Variants in FLRT1 observed in about 807,000 individuals in gnomAD.
The protein encoded by FLRT1 is fibronectin leucine rich transmembrane protein 1.
A neutral mutation model predicts 30.9 loss-of-function variants in FLRT1; 14 were observed. The observed-to-expected ratio is 0.45, with a 90% CI of 0.30 to 0.71. The LOEUF is 0.71. Ranked by LOEUF, FLRT1 falls within the 30% of genes least tolerant of loss-of-function variation. The pLI is 0.08. For synonymous variants in FLRT1, 368 were observed against 430.4 expected (o/e 0.85, Z 1.80); for missense variants, 737 against 949.2 (o/e 0.78, Z 2.94).
intron 1 of FLRT1, among the ~76,000 whole-genome samples, chr11:64,081,528 A>AC (rs560521262): frequency 1.1e-4 from 17 of 151,436 alleles, no homozygotes; most frequent in South Asian, 2.1e-4. Context: ...TCAGTGTAAC[A>AC]CCCCCCCGAC....
At chr11:64,051,278 TG>T (rs1397317358) in intron 1 of FLRT1, among the ~76,000 whole-genome samples, 2 of 152,184 alleles carry the variant, frequency 1.3e-5, no homozygotes, top group Non-Finnish European at 2.9e-5. Flanking sequence ...GGGGAGGGGC[TG>T]GTCCCTCTTT....
Position 64,049,727 on chromosome 11 carries a change from G to T in FLRT1, c.-1038+13568G>T, listed in dbSNP as rs369563410. On this transcript the variant is annotated intron_variant, in intron 1 of 2. Transcript: ENST00000682287. ...TGCACACCCCAGAGCCCAGTGTCTT[G>T]CCTTCTCATCCTGAGGGGGATCGGT... Among the ~76,000 whole-genome samples, 188 of 152,346 alleles carry T rather than the reference G, an allele frequency of 1.2e-3. 1 individual carries two copies. Among genetic ancestry groups the T allele is most frequent in the African/African-American group, 4.1e-3 (169 of 41,578 alleles).
At chr11:64,080,743 G>A (rs1468724419) in intron 1 of FLRT1, among the ~76,000 whole-genome samples, 2 of 152,180 alleles carry the variant, frequency 1.3e-5, no homozygotes, top group Non-Finnish European at 2.9e-5. Flanking sequence ...ACAGGCCCCC[G>A]GCTGGATCCA....
rs1443870790 is a variant in FLRT1, at chr11:64,117,968, C to T, written c.1701C>T (p.Phe567=). Residue 567 remains phenylalanine (F), a synonymous_variant, in exon 3 of 3, where the codon TTC becomes TTT. Transcript: ENST00000682287. ...GGGCAGTGGCTCTGGTCTTCCTCTT[C>T]CTGGTCCTGGGGGCCATCTGCTGGT... ...IGGAVALVFL[F]LVLGAICWYV... The T allele has an allele frequency of 2.5e-6, 4 of 1,613,672 alleles. No homozygotes were observed. Among genetic ancestry groups the T allele is most frequent in the Non-Finnish European group, 3.4e-6 (4 of 1,180,026 alleles).
At chr11:64,104,462 G>A (rs1386925994) in intron 2 of FLRT1, among the ~76,000 whole-genome samples, 1 of 152,150 alleles carries the variant, frequency 6.6e-6, no homozygotes. Context: ...ATGTAATGGA[G>A]TGGCCTCTCC....
Position 64,117,175 on chromosome 11 carries a change from A to G in FLRT1, c.908A>G (p.Asn303Ser). The G allele has an allele frequency of 1.2e-6, 2 of 1,614,052 alleles. No individual in the cohort carries two copies. Among genetic ancestry groups the G allele is most frequent in the Non-Finnish European group, 1.7e-6 (2 of 1,180,010 alleles). ...MRELERLDLSNNNLTTLPRGL... is the reference protein window; with the variant it reads ...MRELERLDLSSNNLTTLPRGL... ...GAGCTGGAGCGGCTGGACCTGTCCA[A>G]CAACAACCTGACCACGCTGCCCCGC... The change falls in exon 3 of 3, where the codon AAC becomes AGC. Residue 303 changes from asparagine to serine, a missense_variant. Asn to Ser is a conservative substitution (Grantham distance 46). Transcript: ENST00000682287.
At chr11:64,060,078 T>C (rs1159237758) in intron 1 of FLRT1, among the ~76,000 whole-genome samples, 1 of 152,214 alleles carries the variant, frequency 6.6e-6, no homozygotes, top group Non-Finnish European at 1.5e-5. Context: ...ACAGACCAAT[T>C]AAGCTGCCAA....
intron 1 of FLRT1, among the ~76,000 whole-genome samples, chr11:64,094,228 C>T (rs1216052932): frequency 6.6e-6 from 1 of 152,134 alleles, no homozygotes; most frequent in Non-Finnish European, 1.5e-5. Flanking sequence ...GTCAGGAGTT[C>T]AAGACCAACC....
At chr11:64,108,813 C>T (rs905794479) in intron 2 of FLRT1, among the ~76,000 whole-genome samples, 10 of 152,178 alleles carry the variant, frequency 6.6e-5, no homozygotes, top group African/African-American at 2.4e-4. Context: ...TGCAAGGGAC[C>T]CCACCTGGGG....
chr11:64,072,085 G>A (rs527969869), intron 1 of FLRT1, among the ~76,000 whole-genome samples: 7 of 152,360 alleles, frequency 4.6e-5, no homozygotes, highest in African/African-American at 1.4e-4. Context: ...AGCCCGAATC[G>A]AATCGACTGC....
At chr11:64,107,104 G>A (rs1047857867) in intron 2 of FLRT1, among the ~76,000 whole-genome samples, 1 of 151,924 alleles carries the variant, frequency 6.6e-6, no homozygotes, top group Non-Finnish European at 1.5e-5. Flanking sequence ...GGCTGGTTTT[G>A]AACTCCTGAC....
chr11:64,061,320 C>T (rs1297111126), intron 1 of FLRT1, among the ~76,000 whole-genome samples: 5 of 152,210 alleles, frequency 3.3e-5, no homozygotes, highest in African/African-American at 1.2e-4. Context: ...GCCCTTCCTT[C>T]ACGCTGAGCC....
At position 64,073,755 on chromosome 11, in the gene FLRT1, G is replaced by A. The variant is rs111401277; in HGVS notation, c.-1037-29439G>A. Among the ~76,000 whole-genome samples, 538 of 152,290 alleles carry A rather than the reference G, an allele frequency of 3.5e-3. 2 individuals carry two copies. The highest frequency in any genetic ancestry group is 0.012 in the African/African-American group (503 of 41,556). Reference sequence around the variant, plus strand: ...CCTTGGGGAGTAAAAGCTGGGCCTCGGCAGGGTAAACACTGGAGCTTCCCA... The same window carrying A: ...CCTTGGGGAGTAAAAGCTGGGCCTCAGCAGGGTAAACACTGGAGCTTCCCA... On this transcript the variant is annotated intron_variant, in intron 1 of 2. Coordinates refer to ENST00000682287, the MANE Select transcript of FLRT1 (RefSeq NM_013280.5).
intron 1 of FLRT1, among the ~76,000 whole-genome samples, chr11:64,056,503 C>A: frequency 6.6e-6 from 1 of 152,190 alleles, no homozygotes; most frequent in East Asian, 1.9e-4. Context: ...GACAGACGGA[C>A]GGAGAGACGG....
chr11:64,071,080 T>TCTGTTGGGACCTCCAC (rs1944100432), intron 1 of FLRT1, among the ~76,000 whole-genome samples: 1 of 152,128 alleles, frequency 6.6e-6, no homozygotes, highest in South Asian at 2.1e-4. Flanking sequence ...GGCCTTTGTC[T>TCTGTTGGGACCTCCAC]CTGTTGGGAC....
chr11:64,090,958 C>T lies in FLRT1; in HGVS notation c.-1037-12236C>T, dbSNP rs1944479248. ...TAGGGGGCACTGGCAGAATCTGCAGCACTGACCTCTGACCTCTGGGTCAGT... is the reference window on the plus strand; with the variant it reads ...TAGGGGGCACTGGCAGAATCTGCAGTACTGACCTCTGACCTCTGGGTCAGT... On this transcript the variant is annotated intron_variant, in intron 1 of 2. Coordinates refer to ENST00000682287, the MANE Select transcript of FLRT1 (RefSeq NM_013280.5). The surrounding 1 kb of genome is among the most constrained non-coding windows in gnomAD (Gnocchi z 4.7). 1.3e-5 allele frequency among the ~76,000 whole-genome samples: 2 copies of T among 151,636 alleles called. No homozygotes were observed. The highest frequency in any genetic ancestry group is 6.6e-5 in the Admixed American group (1 of 15,248).
At chr11:64,049,332 C>T (rs769075424) in intron 1 of FLRT1, among the ~76,000 whole-genome samples, 5 of 152,206 alleles carry the variant, frequency 3.3e-5, no homozygotes, top group Non-Finnish European at 5.9e-5. Context: ...AGGGTCCTAC[C>T]GATGCCCAAA....
chr11:64,108,357 T>C (rs922602150), intron 2 of FLRT1, among the ~76,000 whole-genome samples: 1 of 150,884 alleles, frequency 6.6e-6, no homozygotes, highest in African/African-American at 2.4e-5. Context: ...CACCCCACAG[T>C]AGGCTGAGCA....
At chr11:64,050,569 C>T (rs1414690764) in intron 1 of FLRT1, among the ~76,000 whole-genome samples, 1 of 152,226 alleles carries the variant, frequency 6.6e-6, no homozygotes, top group Non-Finnish European at 1.5e-5. Flanking sequence ...CCTCACAGCG[C>T]TAAGGACAGG....
Sources: allele counts gnomAD v4.1 joint callset (sites outside exome capture counted in the v4.1 genomes callset), GRCh38; gene constraint gnomAD v4.1.1; non-coding constraint Gnocchi (gnomAD v3.1); transcripts MANE v1.5; gene names NCBI Gene and HGNC (gene_info 2026-07-23, HGNC 2026-07-21).